SCAPER: variants seen among roughly 807,000 people sequenced by gnomAD.
The protein encoded by SCAPER is S-phase cyclin A associated protein in the ER.
Under a neutral mutation model 182.2 loss-of-function variants are expected in SCAPER, and 98 were observed. The observed-to-expected ratio is 0.54, with a 90% CI of 0.46 to 0.64. The LOEUF (loss-of-function observed/expected upper bound fraction) is 0.64, where lower values mean the gene tolerates loss of function less well. SCAPER is among the 30% of genes least tolerant of loss of function. SCAPER has a pLI of 0.00. For missense variants in SCAPER, 1,432 were observed against 1,690.0 expected (o/e 0.85, Z 2.68); for synonymous variants, 605 against 564.6 (o/e 1.07, Z -1.01).
intron 23 of SCAPER, among the ~76,000 whole-genome samples, chr15:76,519,790 C>T (rs1567334897): frequency 6.6e-6 from 1 of 152,198 alleles, no homozygotes; most frequent in South Asian, 2.1e-4. Flanking sequence ...TCTTTGAATT[C>T]TGTCCCCCAA....
intron 7 of SCAPER, 77 bp downstream of exon 7, chr15:76,800,171 A>T: frequency 8.0e-6 from 5 of 624,424 alleles, no homozygotes; most frequent in Admixed American, 7.5e-5. Flanking sequence ...ATAGTAGAAT[A>T]TCAGAATCAT....
chr15:76,638,213 C>G (rs2053805071), intron 21 of SCAPER, among the ~76,000 whole-genome samples: 1 of 152,006 alleles, frequency 6.6e-6, no homozygotes, highest in South Asian at 2.1e-4. Context: ...GTAAGGTCAT[C>G]TTTTTCTTTT....
chr15:76,406,045 C>A (rs1305153143), intron 26 of SCAPER, among the ~76,000 whole-genome samples: 1 of 152,116 alleles, frequency 6.6e-6, no homozygotes, highest in Non-Finnish European at 1.5e-5. Context: ...GAAATGACGA[C>A]CACCAGACCT....
chr15:76,491,969 A>G (rs1403458374), intron 24 of SCAPER, among the ~76,000 whole-genome samples: 1 of 152,036 alleles, frequency 6.6e-6, no homozygotes, highest in Non-Finnish European at 1.5e-5. Context: ...GACACGTTGA[A>G]GTGTCTCACT....
intron 29 of SCAPER, among the ~76,000 whole-genome samples, chr15:76,362,533 C>T (rs953413658): frequency 6.6e-6 from 1 of 151,882 alleles, no homozygotes; most frequent in Non-Finnish European, 1.5e-5. Flanking sequence ...CTGCCTCAGC[C>T]TCCCGAGCAG....
intron 8 of SCAPER, among the ~76,000 whole-genome samples, chr15:76,784,977 C>T (rs1462968763): frequency 6.6e-6 from 1 of 152,162 alleles, no homozygotes; most frequent in Non-Finnish European, 1.5e-5. Flanking sequence ...TGGGCAAAGA[C>T]TTCATGACTA....
At chr15:76,574,116 T>C in intron 23 of SCAPER, 42 bp downstream of exon 23, 1 of 1,563,910 alleles carries the variant, frequency 6.4e-7, no homozygotes, top group Non-Finnish European at 8.6e-7. Context: ...TGAGAAAGGA[T>C]CACAAAGATT....
intron 1 of SCAPER, among the ~76,000 whole-genome samples, chr15:76,897,353 G>A (rs1036986474): frequency 5.3e-5 from 8 of 151,902 alleles, no homozygotes; most frequent in African/African-American, 1.9e-4. Flanking sequence ...TCAGTCCAGA[G>A]TTCATAAATT....
intron 27 of SCAPER, among the ~76,000 whole-genome samples, chr15:76,390,344 C>T (rs1445337973): frequency 6.6e-6 from 1 of 152,140 alleles, no homozygotes; most frequent in African/African-American, 2.4e-5. Context: ...TTGGGATCAA[C>T]AACCTGGAAG....
intron 1 of SCAPER, among the ~76,000 whole-genome samples, chr15:76,894,401 G>A (rs532724425): frequency 9.9e-5 from 15 of 152,084 alleles, no homozygotes; most frequent in African/African-American, 3.1e-4. Flanking sequence ...TAGTCTCTAC[G>A]TTCCAGCCTG....
At chr15:76,735,617 G>A (rs779054697) in intron 15 of SCAPER, among the ~76,000 whole-genome samples, 49 of 149,262 alleles carry the variant, frequency 3.3e-4, no homozygotes, top group Non-Finnish European at 5.6e-4. Flanking sequence ...CAGGAGAATC[G>A]CTTGAACATG....
At chr15:76,818,943 C>T (rs994789213) in intron 5 of SCAPER, among the ~76,000 whole-genome samples, 3 of 152,240 alleles carry the variant, frequency 2.0e-5, no homozygotes, top group Admixed American at 1.3e-4. Context: ...GATTATATCC[C>T]GCACATGGCT....
chr15:76,804,554 T>G lies in SCAPER; in HGVS notation c.473A>C (p.Glu158Ala), dbSNP rs773939636. 1.2e-6 allele frequency: 2 copies of G among 1,610,866 alleles called. No individual in the cohort carries two copies. Among genetic ancestry groups the G allele is most frequent in the African/African-American group, 2.7e-5 (2 of 74,858 alleles). The change falls in exon 6 of 32, where the codon GAG becomes GCG. Residue 158 changes from glutamate (E) to alanine (A), a missense_variant. Coordinates refer to ENST00000563290, the MANE Select transcript of SCAPER (RefSeq NM_020843.4). Reference sequence around the variant, plus strand: ...TTACCTGCTTTGAGCATCTGTCTTCTCTAGCTTTTCCTGAAGCTGAATCCA... The same window carrying G: ...TTACCTGCTTTGAGCATCTGTCTTCGCTAGCTTTTCCTGAAGCTGAATCCA... ...IDWIQLQEKL[E>A]KTDAQSRPTS...
intron 8 of SCAPER, among the ~76,000 whole-genome samples, chr15:76,791,586 A>G (rs2065010847): frequency 6.6e-6 from 1 of 152,086 alleles, no homozygotes; most frequent in Non-Finnish European, 1.5e-5. Flanking sequence ...GGGGGTGGGA[A>G]AGTACTGCAG....
At chr15:76,587,863 CAGTGG>C (rs2048787963) in intron 22 of SCAPER, among the ~76,000 whole-genome samples, 1 of 151,582 alleles carries the variant, frequency 6.6e-6, no homozygotes, top group African/African-American at 2.4e-5. Flanking sequence ...CTAGTGCTGT[CAGTGG>C]AGTACTGAAG....
At chr15:76,374,107 A>AG (rs1287598346) in intron 29 of SCAPER, among the ~76,000 whole-genome samples, 1 of 124 alleles carries the variant, frequency 8.1e-3, no homozygotes, top group African/African-American at 0.026. Context: ...AAAAATTAGA[A>AG]AGCTGGGGGC....
intron 22 of SCAPER, among the ~76,000 whole-genome samples, chr15:76,619,008 C>T (rs1278607615): frequency 1.3e-5 from 2 of 152,128 alleles, no homozygotes; most frequent in Non-Finnish European, 2.9e-5. Flanking sequence ...CTATGCCCAG[C>T]TAGTTTTTGT....
intron 23 of SCAPER, among the ~76,000 whole-genome samples, chr15:76,565,362 C>G (rs960307858): frequency 1.3e-5 from 2 of 152,040 alleles, no homozygotes; most frequent in African/African-American, 4.8e-5. Context: ...ACAAAGTGGG[C>G]AAAGGGCAAG....
chr15:76,799,020 T>A (rs188382088), intron 7 of SCAPER, among the ~76,000 whole-genome samples: 1 of 152,324 alleles, frequency 6.6e-6, no homozygotes, highest in East Asian at 1.9e-4. Context: ...AGTTTTTGTT[T>A]GTAGCTCTTT....
Sources: gnomAD v4.1 joint callset for allele counts (sites outside exome capture counted in the v4.1 genomes callset) on GRCh38, gnomAD v4.1.1 for gene constraint, MANE v1.5 for transcripts, NCBI Gene and HGNC (gene_info 2026-07-23, HGNC 2026-07-21) for gene names.